The following FTO variants were observed in gnomAD, a reference collection of about 807,000 sequenced individuals.
The protein encoded by FTO is alpha-ketoglutarate-dependent dioxygenase FTO.
Under a neutral mutation model 63.9 loss-of-function variants are expected in FTO, and 47 were observed. That is an observed-to-expected ratio of 0.74 (90% CI 0.58 to 0.94). The LOEUF is 0.94. Ranked by LOEUF, FTO falls within the 40% of genes least tolerant of loss-of-function variation. The pLI is 0.00. For missense variants in FTO, 562 were observed against 618.1 expected, an observed-to-expected ratio of 0.91 and a Z score of 0.96; for synonymous variants, 207 against 224.4, an observed-to-expected ratio of 0.92 and a Z score of 0.69.
chr16:53,716,215 TAC>T (rs747145409), intron 1 of FTO, among the ~76,000 whole-genome samples: 5 of 152,194 alleles, frequency 3.3e-5, no homozygotes, highest in Non-Finnish European at 5.9e-5. Flanking sequence ...GAGACATGTT[TAC>T]CACCCTAGGG....
intron 8 of FTO, chr16:53,993,414 C>A (rs992008666): frequency 6.6e-6 from 1 of 152,164 alleles, no homozygotes; most frequent in African/African-American, 2.4e-5. Flanking sequence ...TTCAGGGACT[C>A]TGCCCATTAG....
intron 1 of FTO, among the ~76,000 whole-genome samples, chr16:53,729,959 C>T (rs1047897817): frequency 2.0e-5 from 3 of 152,150 alleles, no homozygotes; most frequent in Non-Finnish European, 4.4e-5. Flanking sequence ...CGCTTTTATT[C>T]CTCTCTTGTA....
chr16:53,885,753 C>G (rs1434643583), intron 6 of FTO, among the ~76,000 whole-genome samples: 2 of 152,102 alleles, frequency 1.3e-5, no homozygotes, highest in Non-Finnish European at 1.5e-5. Flanking sequence ...AACCCATATT[C>G]CTTTTTTCTT....
intron 8 of FTO, among the ~76,000 whole-genome samples, chr16:54,065,308 C>G (rs1350173531): frequency 6.6e-6 from 1 of 151,736 alleles, no homozygotes; most frequent in African/African-American, 2.4e-5. Flanking sequence ...GGACTACAGG[C>G]GCACACCATC....
At chr16:53,793,484 G>A (rs529234147) in intron 1 of FTO, among the ~76,000 whole-genome samples, 2 of 152,306 alleles carry the variant, frequency 1.3e-5, no homozygotes, top group South Asian at 2.1e-4. Flanking sequence ...CCTTGGAAAA[G>A]AAATTGGTGA....
intron 4 of FTO, among the ~76,000 whole-genome samples, chr16:53,853,470 CT>C (rs2079875866): frequency 6.6e-6 from 1 of 151,912 alleles, no homozygotes; most frequent in South Asian, 2.1e-4. Flanking sequence ...CATCACCCCC[CT>C]CCCATCCTCC....
chr16:53,748,615 T>C (rs1222117168), intron 1 of FTO, among the ~76,000 whole-genome samples: 1 of 151,790 alleles, frequency 6.6e-6, no homozygotes, highest in African/African-American at 2.4e-5. Context: ...CCACCATGCC[T>C]GGCTAATTTT....
chr16:54,077,660 G>A (rs1018027615), intron 8 of FTO, among the ~76,000 whole-genome samples: 1 of 152,188 alleles, frequency 6.6e-6, no homozygotes, highest in African/African-American at 2.4e-5. Flanking sequence ...CCCTCAGTCA[G>A]GCAGGCAAGT....
intron 8 of FTO, among the ~76,000 whole-genome samples, chr16:53,952,382 T>C (rs1039853240): frequency 1.6e-4 from 24 of 152,176 alleles, no homozygotes; most frequent in African/African-American, 5.8e-4. Context: ...AATGCCATGA[T>C]TATCCATGTT....
intron 1 of FTO, among the ~76,000 whole-genome samples, chr16:53,714,775 G>T (rs2075853571): frequency 6.6e-6 from 1 of 152,100 alleles, no homozygotes; most frequent in Non-Finnish European, 1.5e-5. Flanking sequence ...CACGATCCTT[G>T]TGTTGGAACC....
At position 53,942,381 on chromosome 16, in the gene FTO, G is replaced by C. The variant is rs138791378; in HGVS notation, c.1364+8272G>C. ...ACACCATGGGACTGGGCTAAGACCA[G>C]GACAAAAAGACATGGTCTCCTCCCT... On this transcript the variant is annotated intron_variant, in intron 8 of 8. Transcript: ENST00000471389. 5.3e-5 allele frequency among the ~76,000 whole-genome samples: 8 copies of C among 152,300 alleles called. No homozygotes were observed. In the East Asian group the frequency reaches 1.5e-3, roughly 29 times the overall value.
At chr16:53,815,565 A>G (rs2078651881) in intron 2 of FTO, among the ~76,000 whole-genome samples, 2 of 148,118 alleles carry the variant, frequency 1.4e-5, no homozygotes, top group African/African-American at 5.0e-5. Context: ...AATTTTGTTG[A>G]GTCGCCTTTG....
At chr16:53,903,769 T>G (rs1419378505) in intron 7 of FTO, among the ~76,000 whole-genome samples, 2 of 152,138 alleles carry the variant, frequency 1.3e-5, no homozygotes, top group Non-Finnish European at 2.9e-5. Context: ...ATACATAACG[T>G]TTTTCACAAG....
intron 8 of FTO, among the ~76,000 whole-genome samples, chr16:54,061,246 A>G (rs1342675677): frequency 6.6e-6 from 1 of 152,114 alleles, no homozygotes; most frequent in African/African-American, 2.4e-5. Context: ...TTCAAAAGTC[A>G]TTTTTCCCCA....
At chr16:54,032,529 A>G (rs534364595) in intron 8 of FTO, among the ~76,000 whole-genome samples, 8 of 152,324 alleles carry the variant, frequency 5.3e-5, no homozygotes, top group African/African-American at 1.9e-4. Context: ...CAGTCATCTG[A>G]AATATATTGA....
chr16:53,712,933 A>T (rs1461706168), intron 1 of FTO, among the ~76,000 whole-genome samples: 2 of 151,924 alleles, frequency 1.3e-5, no homozygotes, highest in Non-Finnish European at 2.9e-5. Flanking sequence ...TCTCCAAAAA[A>T]GTAGAGATCA....
chr16:53,850,713 T>C (rs943111118), intron 4 of FTO, among the ~76,000 whole-genome samples: 8 of 152,100 alleles, frequency 5.3e-5, no homozygotes, highest in Non-Finnish European at 8.8e-5. Flanking sequence ...ACAGGACTAT[T>C]ACATAGTAGA....
At chr16:53,727,597 T>C (rs545567624) in intron 1 of FTO, among the ~76,000 whole-genome samples, 2 of 152,274 alleles carry the variant, frequency 1.3e-5, no homozygotes, top group South Asian at 4.1e-4. Context: ...GAAACTTTGG[T>C]TTGAAAAGCA....
chr16:53,962,317 G>A (rs2083101462), intron 8 of FTO, among the ~76,000 whole-genome samples: 1 of 152,072 alleles, frequency 6.6e-6, no homozygotes, highest in African/African-American at 2.4e-5. Context: ...TAATGCTTTG[G>A]GAAGACACTG....
Sources: allele counts gnomAD v4.1 joint callset (sites outside exome capture counted in the v4.1 genomes callset), GRCh38; gene constraint gnomAD v4.1.1; transcripts MANE v1.5; gene names NCBI Gene and HGNC (gene_info 2026-07-23, HGNC 2026-07-21).